Variants in SGCZ observed in about 807,000 individuals in gnomAD.
The protein encoded by SGCZ is sarcoglycan zeta.
In SGCZ, 40 loss-of-function variants were observed where a neutral mutation model predicts 41.3. That is an observed-to-expected ratio of 0.97 (90% CI 0.75 to 1.26). The LOEUF (loss-of-function observed/expected upper bound fraction) is 1.26, where lower values mean the gene tolerates loss of function less well. SGCZ is among the 50% of genes most tolerant of loss of function. The probability of loss-of-function intolerance (pLI) is 0.00; values close to 1 mark genes in which losing one functional copy is unlikely to be tolerated. For synonymous variants in SGCZ, 206 were observed against 137.5 expected, an observed-to-expected ratio of 1.50 and a Z score of -3.49; for missense variants, 552 against 369.8, an observed-to-expected ratio of 1.49 and a Z score of -4.04.
chr8:14,741,800 T>C (rs1184648201), intron 1 of SGCZ, among the ~76,000 whole-genome samples: 3 of 152,128 alleles, frequency 2.0e-5, no homozygotes, highest in East Asian at 3.9e-4. Context: ...GCAAGAAATA[T>C]AGATAGACAA....
At chr8:14,188,029 A>G (rs1018751630) in intron 4 of SGCZ, among the ~76,000 whole-genome samples, 2 of 152,126 alleles carry the variant, frequency 1.3e-5, no homozygotes, top group African/African-American at 4.8e-5. Context: ...AAGTAGTAGG[A>G]CAGCATATTC....
chr8:14,800,393 T>C (rs73533037), intron 1 of SGCZ, among the ~76,000 whole-genome samples: 9,857 of 152,270 alleles, frequency 0.065, 699 homozygotes, highest in African/African-American at 0.17. Flanking sequence ...CATAAGTTTA[T>C]GTAAGGTGCA....
At chr8:14,594,785 C>T (rs949194915) in intron 1 of SGCZ, among the ~76,000 whole-genome samples, 5 of 151,768 alleles carry the variant, frequency 3.3e-5, no homozygotes, top group African/African-American at 1.2e-4. Context: ...TCTAGTAATT[C>T]AGTGTTTCCT....
rs1313303355 is a variant in SGCZ at position 14,096,768 on chromosome 8, G to T, written c.744+5608C>A. On this transcript the variant is annotated intron_variant, in intron 7 of 7. Transcript: ENST00000382080. ...TTTGGTTGGTAGGCTATTAATTATT[G>T]CCTCAATTTCAGAACTTGTTATTGG... Among the ~76,000 whole-genome samples, 3 of 152,160 alleles carry T rather than the reference G, an allele frequency of 2.0e-5. No homozygotes were observed. In the East Asian group the frequency reaches 5.8e-4, roughly 29 times the overall value.
chr8:15,127,072 C>T (rs1457305885), intron 1 of SGCZ, among the ~76,000 whole-genome samples: 1 of 152,184 alleles, frequency 6.6e-6, no homozygotes. Context: ...GATGACACTT[C>T]ACTTTAAGAT....
At chr8:14,726,557 A>C (rs903822901) in intron 1 of SGCZ, among the ~76,000 whole-genome samples, 1 of 151,796 alleles carries the variant, frequency 6.6e-6, no homozygotes. Context: ...AAATATAGCA[A>C]TTATGTGTTT....
chr8:14,893,305 A>T (rs1805083028), intron 1 of SGCZ, among the ~76,000 whole-genome samples: 1 of 152,054 alleles, frequency 6.6e-6, no homozygotes, highest in African/African-American at 2.4e-5. Context: ...AAGTGAAGGA[A>T]ATACACTCTC....
At chr8:14,260,149 G>A (rs1799605013) in intron 3 of SGCZ, among the ~76,000 whole-genome samples, 1 of 152,062 alleles carries the variant, frequency 6.6e-6, no homozygotes. Context: ...TACCATCAGA[G>A]TGAACAGGCA....
rs1358782529 is a variant in SGCZ, at chr8:14,357,662, G to A, written c.235-33458C>T. Among the ~76,000 whole-genome samples the A allele has an allele frequency of 2.6e-5, 4 of 152,168 alleles. No homozygotes were observed. The East Asian group carries it at 7.7e-4, about 29-fold the overall frequency. ...AAAGTGATAAAATGTCAAAGGCATT[G>A]ACTGTTGATTAGGGGCCAAACACTT... On this transcript the variant is annotated intron_variant, in intron 2 of 7. Transcript: ENST00000382080.
At chr8:14,116,459 T>TTAATATGTAATTGTCATTCA (rs1802526040) in intron 5 of SGCZ, among the ~76,000 whole-genome samples, 1 of 152,110 alleles carries the variant, frequency 6.6e-6, no homozygotes, top group Non-Finnish European at 1.5e-5. Context: ...ACAGCTTGCC[T>TTAATATGTAATTGTCATTCA]TAATATGTAA....
chr8:14,426,818 T>C (rs771129373), intron 2 of SGCZ, among the ~76,000 whole-genome samples: 7 of 152,026 alleles, frequency 4.6e-5, no homozygotes, highest in Non-Finnish European at 8.8e-5. Context: ...GTTGCAAAGA[T>C]TGGAAATATA....
chr8:14,285,665 T>G (rs11786488), intron 3 of SGCZ, among the ~76,000 whole-genome samples: 32,524 of 151,942 alleles, frequency 0.21, 3,681 homozygotes, highest in East Asian at 0.3. Context: ...AACAAAGAAG[T>G]CCTGACTATC....
intron 4 of SGCZ, among the ~76,000 whole-genome samples, chr8:14,187,119 G>A (rs923315908): frequency 7.2e-5 from 11 of 152,168 alleles, no homozygotes; most frequent in African/African-American, 1.9e-4. Context: ...TGTACCCTCT[G>A]AGGAACTGTG....
intron 1 of SGCZ, among the ~76,000 whole-genome samples, chr8:14,807,128 G>A (rs1175931073): frequency 6.6e-6 from 1 of 151,578 alleles, no homozygotes; most frequent in Non-Finnish European, 1.5e-5. Flanking sequence ...ATATCATACT[G>A]AATGGGCAAA....
At chr8:14,263,799 G>T (rs1290878143) in intron 3 of SGCZ, among the ~76,000 whole-genome samples, 1 of 152,154 alleles carries the variant, frequency 6.6e-6, no homozygotes, top group Admixed American at 6.5e-5. Flanking sequence ...GAAGGACAGA[G>T]TCACACTGCC....
chr8:14,589,352 A>C (rs973559023), intron 1 of SGCZ, among the ~76,000 whole-genome samples: 4 of 151,862 alleles, frequency 2.6e-5, no homozygotes, highest in Non-Finnish European at 4.4e-5. Flanking sequence ...TCTCAAAAAA[A>C]AAAAAAAAAA....
intron 1 of SGCZ, among the ~76,000 whole-genome samples, chr8:14,602,189 T>A (rs76759586): frequency 0.12 from 18,156 of 152,056 alleles, 1,201 homozygotes; most frequent in African/African-American, 0.18. Flanking sequence ...TTTTTCTGCT[T>A]CAGAGCTTCA....
chr8:15,034,461 A>G (rs921521172), intron 1 of SGCZ, among the ~76,000 whole-genome samples: 12 of 152,286 alleles, frequency 7.9e-5, no homozygotes, highest in African/African-American at 2.6e-4. Flanking sequence ...TAAAAGATCT[A>G]TGGGAATACA....
At chr8:14,117,182 G>C (rs1041768490) in intron 5 of SGCZ, among the ~76,000 whole-genome samples, 1 of 152,024 alleles carries the variant, frequency 6.6e-6, no homozygotes, top group African/African-American at 2.4e-5. Flanking sequence ...ATGCATTAGA[G>C]ATGAGCATTA....
Sources: allele counts gnomAD v4.1 joint callset (sites outside exome capture counted in the v4.1 genomes callset), GRCh38; gene constraint gnomAD v4.1.1; transcripts MANE v1.5; gene names NCBI Gene and HGNC (gene_info 2026-07-23, HGNC 2026-07-21).